DCAF5: variants seen among roughly 807,000 people sequenced by gnomAD.
The protein encoded by DCAF5 is DDB1 and CUL4 associated factor 5, also known as DDB1- and CUL4-associated factor 5.
DCAF5 carries 9 observed loss-of-function variants against 80.7 expected under a neutral mutation model. The observed-to-expected ratio is 0.11, with a 90% confidence interval of 0.07 to 0.19. The LOEUF (loss-of-function observed/expected upper bound fraction) is 0.19. Ranked by LOEUF, DCAF5 falls within the 10% of genes least tolerant of loss-of-function variation. The probability of loss-of-function intolerance (pLI) is 1.00; values close to 1 mark genes in which losing one functional copy is unlikely to be tolerated. For synonymous variants in DCAF5, 433 were observed against 461.9 expected (o/e 0.94, Z 0.80); for missense variants, 842 against 1,205.7 (o/e 0.70, Z 4.47).
At chr14:69,106,472 G>A (rs191337601) in intron 5 of DCAF5, among the ~76,000 whole-genome samples, 110 of 151,792 alleles carry the variant, frequency 7.2e-4, no homozygotes, top group African/African-American at 2.3e-3. Flanking sequence ...GGGCTCAAGC[G>A]ATCCTCCTGC....
intron 5 of DCAF5, among the ~76,000 whole-genome samples, chr14:69,108,348 A>G (rs1377953546): frequency 6.6e-6 from 1 of 152,210 alleles, no homozygotes; most frequent in Non-Finnish European, 1.5e-5. Flanking sequence ...TGAACACGTA[A>G]AGAAAAATCA....
At chr14:69,150,440 G>C (rs2041664597) in intron 1 of DCAF5, among the ~76,000 whole-genome samples, 1 of 150,730 alleles carries the variant, frequency 6.6e-6, no homozygotes, top group South Asian at 2.1e-4. Flanking sequence ...GCCAAGACTA[G>C]AGAAAATAGA....
intron 5 of DCAF5, among the ~76,000 whole-genome samples, chr14:69,111,394 GATAA>G (rs1332003336): frequency 6.6e-6 from 1 of 152,144 alleles, no homozygotes; most frequent in Non-Finnish European, 1.5e-5. Flanking sequence ...CGTCTTATAA[GATAA>G]GTCTTTATAG....
chr14:69,124,117 T>C (rs2040808459), intron 1 of DCAF5, among the ~76,000 whole-genome samples: 1 of 152,220 alleles, frequency 6.6e-6, no homozygotes. Context: ...CATAATGTCT[T>C]CAAGGTGCAT....
rs372666986 is a variant in DCAF5 at position 69,055,161 on chromosome 14, G to A, written c.1525C>T (p.Arg509Cys). 9 of 1,614,128 alleles carry A rather than the reference G, an allele frequency of 5.6e-6. No homozygotes were observed. Among genetic ancestry groups the A allele is most frequent in the African/African-American group, 5.3e-5 (4 of 74,962 alleles). Residue 509 changes from arginine (R) to cysteine (C), a missense_variant, in exon 9 of 9, where the codon CGC (arginine) becomes TGC (cysteine). This residue lies in a region of DCAF5 where 607 missense variants were observed against 656.6 expected (regional missense o/e 0.92). Transcript: ENST00000341516. The surrounding 1 kb of genome is among the most constrained non-coding windows in gnomAD (Gnocchi z 5.6). ...PTPTCEDAASRQQRLSALRRY... is the reference protein window; with the variant it reads ...PTPTCEDAASCQQRLSALRRY... ...CGCAGAGCAGACAGACGCTGCTGGC[G>A]AGAGGCTGCATCCTCACACGTGGGT...
chr14:69,102,547 T>C (rs1355842183), intron 5 of DCAF5, among the ~76,000 whole-genome samples: 3 of 151,176 alleles, frequency 2.0e-5, no homozygotes, highest in Non-Finnish European at 2.9e-5. Context: ...TTATTCTTTT[T>C]TTTTTTTTTT....
At chr14:69,084,797 G>A in intron 6 of DCAF5, 2 of 1,095,836 alleles carry the variant, frequency 1.8e-6, no homozygotes, top group Non-Finnish European at 2.8e-6. Flanking sequence ...GTTCTGCAAT[G>A]CAGATTCAGG....
intron 1 of DCAF5, among the ~76,000 whole-genome samples, chr14:69,131,492 A>G (rs1255355822): frequency 1.3e-5 from 2 of 152,224 alleles, no homozygotes; most frequent in Non-Finnish European, 2.9e-5. Context: ...ATTTTTCCAA[A>G]GTTGAAAATA....
intron 5 of DCAF5, among the ~76,000 whole-genome samples, chr14:69,092,712 G>T (rs1310785735): frequency 6.6e-6 from 1 of 152,034 alleles, no homozygotes; most frequent in Admixed American, 6.6e-5. Context: ...TGTTCACAAA[G>T]AATTTTTATA....
chr14:69,060,783 C>T (rs73277010), intron 8 of DCAF5, among the ~76,000 whole-genome samples: 1 of 152,120 alleles, frequency 6.6e-6, no homozygotes. Context: ...CCACTTGCCT[C>T]GGCCTCCCAG....
At position 69,152,704 on chromosome 14, in the gene DCAF5, G is replaced by C; in HGVS notation, c.214+61C>G. On this transcript the variant is annotated intron_variant, in intron 1 of 8. Coordinates refer to ENST00000341516, the MANE Select transcript of DCAF5 (RefSeq NM_003861.3). This position sits in a 1 kb window ranked among gnomAD's most constrained non-coding sequence, Gnocchi z 4.1. ...GGCAGGAGGAGGGTGACGGGGGAGA[G>C]CGAGAGGGGGAGGCTGGGAGGGTGC... 3 of 1,308,548 alleles carry C rather than the reference G, an allele frequency of 2.3e-6. No homozygotes were observed. Among genetic ancestry groups the C allele is most frequent in the South Asian group, 2.7e-5 (2 of 75,280 alleles). 81.1% of individuals were successfully genotyped at this position (1,308,548 alleles called of 1,614,324 possible).
chr14:69,063,354 G>A (rs1169305418), intron 7 of DCAF5, among the ~76,000 whole-genome samples: 1 of 152,180 alleles, frequency 6.6e-6, no homozygotes, highest in Non-Finnish European at 1.5e-5. Flanking sequence ...CACTGGTAAT[G>A]GTATCACATC....
At chr14:69,134,675 A>G (rs1366597052) in intron 1 of DCAF5, among the ~76,000 whole-genome samples, 2 of 152,234 alleles carry the variant, frequency 1.3e-5, no homozygotes, top group Non-Finnish European at 1.5e-5. Context: ...AAAATGGCCA[A>G]AACATTAAAA....
intron 1 of DCAF5, among the ~76,000 whole-genome samples, chr14:69,148,102 CAA>C (rs71446373): frequency 0.38 from 34,751 of 91,358 alleles, 5,169 homozygotes; most frequent in East Asian, 0.79. Context: ...ATTTTCTTCG[CAA>C]AAAAAAAAAA....
At chr14:69,086,040 C>A (rs1460827697) in intron 6 of DCAF5, among the ~76,000 whole-genome samples, 1 of 152,172 alleles carries the variant, frequency 6.6e-6, no homozygotes, top group Non-Finnish European at 1.5e-5. Flanking sequence ...CCAATTGCAC[C>A]CAAAGGTTGC....
intron 6 of DCAF5, chr14:69,084,500 G>A (rs574951733): frequency 3.9e-6 from 3 of 773,544 alleles, no homozygotes; most frequent in Non-Finnish European, 4.6e-6. Flanking sequence ...TGAAGGCCCG[G>A]CAAGGATTTC....
At chr14:69,137,111 G>A (rs923626589) in intron 1 of DCAF5, among the ~76,000 whole-genome samples, 1 of 152,142 alleles carries the variant, frequency 6.6e-6, no homozygotes, top group African/African-American at 2.4e-5. Flanking sequence ...ATGAATGGGT[G>A]GGAGGCCTAT....
rs748680092 is a variant in DCAF5 at position 69,118,093 on chromosome 14, C to G, written c.535+46G>C. Reference sequence around the variant, plus strand: ...ATTGGATCTTCAATGAATCTGACATCAAACTGTTCAACACAGTCCAACAGT... The same window carrying G: ...ATTGGATCTTCAATGAATCTGACATGAAACTGTTCAACACAGTCCAACAGT... On this transcript the variant is annotated intron_variant, in intron 4 of 8. Transcript: ENST00000341516. The surrounding 1 kb of genome is among the most constrained non-coding windows in gnomAD (Gnocchi z 4.0). The G allele has an allele frequency of 1.9e-6, 3 of 1,606,126 alleles. No homozygotes were observed. The Admixed American group carries it at 5.0e-5, about 27-fold the overall frequency.
At chr14:69,126,320 G>A (rs906015756) in intron 1 of DCAF5, among the ~76,000 whole-genome samples, 4 of 151,806 alleles carry the variant, frequency 2.6e-5, no homozygotes, top group African/African-American at 9.7e-5. Context: ...ACCACGCCCA[G>A]CTCATTTTGT....
Sources: allele counts gnomAD v4.1 joint callset (sites outside exome capture counted in the v4.1 genomes callset), GRCh38; gene constraint gnomAD v4.1.1; regional missense constraint gnomAD v4.1.1; non-coding constraint Gnocchi (gnomAD v3.1); transcripts MANE v1.5; gene names NCBI Gene and HGNC (gene_info 2026-07-23, HGNC 2026-07-21).